Variants in XKR9 observed in about 807,000 individuals in gnomAD.
The protein encoded by XKR9 is XK-related protein 9.
In XKR9, 32 loss-of-function variants were observed where a neutral mutation model predicts 32.0. That is an observed-to-expected ratio of 1.00 (90% confidence interval 0.76 to 1.34). The LOEUF (loss-of-function observed/expected upper bound fraction) is 1.34, where lower values mean the gene tolerates loss of function less well. Ranked by LOEUF, XKR9 falls within the 40% of genes most tolerant of loss-of-function variation. The probability of loss-of-function intolerance (pLI) is 0.00; values close to 1 mark genes in which losing one functional copy is unlikely to be tolerated. For synonymous variants in XKR9, 168 were observed against 143.4 expected (o/e 1.17, Z -1.22); for missense variants, 546 against 429.7 (o/e 1.27, Z -2.39).
At chr8:71,061,432 A>G in the XKR9 span, among the ~76,000 whole-genome samples, 190 of 152,306 alleles carry the variant, frequency 1.2e-3, no homozygotes, top group African/African-American at 4.5e-3. Context: ...TCCCAGTACC[A>G]TCTGGCCCAT....
chr8:70,694,244 G>T (rs1212104278), intron 3 of XKR9, among the ~76,000 whole-genome samples: 1 of 152,194 alleles, frequency 6.6e-6, no homozygotes, highest in African/African-American at 2.4e-5. Flanking sequence ...AACAGGATTG[G>T]CACCCACTTA....
intron 1 of XKR9, among the ~76,000 whole-genome samples, chr8:70,671,731 CATT>C (rs1446465522): frequency 9.8e-6 from 1 of 102,478 alleles, no homozygotes; most frequent in Non-Finnish European, 2.4e-5. Context: ...TCCAATCTAT[CATT>C]GTTGGACATT....
chr8:70,751,424 C>T (rs754226953), intron 2 of XKR9, among the ~76,000 whole-genome samples: 13 of 152,070 alleles, frequency 8.5e-5, no homozygotes, highest in Non-Finnish European at 1.3e-4. Flanking sequence ...CCACCGTGCC[C>T]GGCCTGTGAT....
At chr8:70,805,588 C>A in the XKR9 span, among the ~76,000 whole-genome samples, 12 of 152,354 alleles carry the variant, frequency 7.9e-5, no homozygotes, top group South Asian at 4.1e-4. Flanking sequence ...GGAGACTGGA[C>A]AACTTGGTCC....
intron 2 of XKR9, among the ~76,000 whole-genome samples, chr8:70,757,195 G>T (rs574780521): frequency 1.3e-5 from 2 of 151,782 alleles, no homozygotes; most frequent in Non-Finnish European, 2.9e-5. Flanking sequence ...ATCTCATTTG[G>T]TTATGAATTT....
At chr8:70,675,223 C>T (rs1444485648) in intron 2 of XKR9, among the ~76,000 whole-genome samples, 2 of 152,068 alleles carry the variant, frequency 1.3e-5, no homozygotes, top group Admixed American at 6.6e-5. Flanking sequence ...GGTCAGGATT[C>T]GAAATCAGCC....
chr8:70,868,117 C>A, the XKR9 span, among the ~76,000 whole-genome samples: 8 of 152,318 alleles, frequency 5.3e-5, no homozygotes, highest in East Asian at 1.2e-3. Context: ...GGTATAGCTT[C>A]TCTCCTGGCT....
chr8:70,967,710 A>T, the XKR9 span, among the ~76,000 whole-genome samples: 2 of 152,078 alleles, frequency 1.3e-5, no homozygotes, highest in Admixed American at 6.5e-5. Context: ...GTTTGGCCGG[A>T]TGTGAAATTC....
At chr8:70,744,063 C>A (rs1032638858) in intron 2 of XKR9, among the ~76,000 whole-genome samples, 1 of 152,050 alleles carries the variant, frequency 6.6e-6, no homozygotes, top group Non-Finnish European at 1.5e-5. Context: ...TTTCTGCCAG[C>A]ACTTTGGGAG....
At chr8:71,056,504 A>G in the XKR9 span, among the ~76,000 whole-genome samples, 2 of 152,210 alleles carry the variant, frequency 1.3e-5, no homozygotes, top group Non-Finnish European at 2.9e-5. Flanking sequence ...AGAATGCAGG[A>G]TCTATGGTCA....
the XKR9 span, among the ~76,000 whole-genome samples, chr8:70,864,210 G>A: frequency 6.6e-6 from 1 of 152,062 alleles, no homozygotes; most frequent in Non-Finnish European, 1.5e-5. Flanking sequence ...TTTAAAAAAT[G>A]TAAACAATTT....
At chr8:70,812,250 G>A in the XKR9 span, among the ~76,000 whole-genome samples, 1 of 152,064 alleles carries the variant, frequency 6.6e-6, no homozygotes, top group African/African-American at 2.4e-5. Flanking sequence ...AACCCTTCAT[G>A]GTACAAACTC....
intron 4 of XKR9, among the ~76,000 whole-genome samples, chr8:70,707,950 C>A (rs1805777393): frequency 6.6e-6 from 1 of 151,838 alleles, no homozygotes; most frequent in African/African-American, 2.4e-5. Context: ...ACTAGGGTTC[C>A]ATTTAGTTTC....
chr8:70,986,340 AATT>A, the XKR9 span, among the ~76,000 whole-genome samples: 1 of 152,226 alleles, frequency 6.6e-6, no homozygotes, highest in Non-Finnish European at 1.5e-5. Context: ...ATGGTATTGG[AATT>A]ATTCTCTGCA....
intron 2 of XKR9, among the ~76,000 whole-genome samples, chr8:70,772,183 G>C (rs896974471): frequency 6.6e-6 from 1 of 152,074 alleles, no homozygotes; most frequent in Non-Finnish European, 1.5e-5. Context: ...AACAACTTGA[G>C]ATCAGGATTG....
the XKR9 span, among the ~76,000 whole-genome samples, chr8:70,947,570 A>C: frequency 1.3e-5 from 2 of 152,246 alleles, no homozygotes; most frequent in Non-Finnish European, 2.9e-5. Context: ...CATATGCAGT[A>C]AGAGGAAAAT....
chr8:70,687,369 T>C (rs1478908618), intron 3 of XKR9, among the ~76,000 whole-genome samples: 2 of 137,270 alleles, frequency 1.5e-5, no homozygotes, highest in South Asian at 2.7e-4. Context: ...TCTCTTTCCT[T>C]TCTTTCTCTT....
At chr8:71,051,752 A>G in the XKR9 span, among the ~76,000 whole-genome samples, 1 of 152,270 alleles carries the variant, frequency 6.6e-6, no homozygotes, top group East Asian at 1.9e-4. Context: ...GAAACAGCTT[A>G]AACCAGGAGA....
At chr8:70,695,401 C>A (rs1021463784) in intron 3 of XKR9, among the ~76,000 whole-genome samples, 4 of 140,154 alleles carry the variant, frequency 2.9e-5, no homozygotes, top group Non-Finnish European at 6.1e-5. Context: ...CTGTTCAATT[C>A]CCACCTATGA....
Sources: gnomAD v4.1 joint callset for allele counts (sites outside exome capture counted in the v4.1 genomes callset) on GRCh38, gnomAD v4.1.1 for gene constraint, MANE v1.5 for transcripts, NCBI Gene and HGNC (gene_info 2026-07-23, HGNC 2026-07-21) for gene names.